DCP2: variants seen among roughly 807,000 people sequenced by gnomAD.
The protein encoded by DCP2 is m7GpppN-mRNA hydrolase.
DCP2 carries 30 observed loss-of-function variants against 56.1 expected under a neutral mutation model. That is an observed-to-expected ratio of 0.53 (90% confidence interval 0.40 to 0.73). DCP2 has a LOEUF of 0.73. Ranked by LOEUF, DCP2 falls within the 30% of genes least tolerant of loss-of-function variation. The pLI is 0.00. For synonymous variants in DCP2, 197 were observed against 163.3 expected (o/e 1.21, Z -1.57); for missense variants, 533 against 502.7 (o/e 1.06, Z -0.58).
intron 2 of DCP2, among the ~76,000 whole-genome samples, chr5:112,989,534 A>T (rs1681912080): frequency 6.6e-6 from 1 of 152,192 alleles, no homozygotes; most frequent in South Asian, 2.1e-4. Flanking sequence ...TTTAGACTAA[A>T]TGGGAAAGAT....
rs1396871780 is a variant in DCP2, at chr5:113,017,730, T to A, written c.*4246T>A. 6.6e-6 allele frequency: 1 copy of A among 152,198 alleles called. No homozygotes were observed. The highest frequency in any genetic ancestry group is 2.4e-5 in the African/African-American group (1 of 41,440). The allele number at this position is 152,198 out of a possible 1,614,324, so 9.4% of individuals were successfully genotyped here. A position where few individuals can be genotyped will look rare whatever the true frequency, so the allele number is the denominator to read the frequency against. On this transcript the variant is annotated 3_prime_UTR_variant, in exon 11 of 11. Transcript: ENST00000389063. ...GGCAAAGAGTGTAAGAAAGAAACTT[T>A]AGAGCATTTATCAATACTTGAGTGC...
chr5:112,981,497 TTA>T (rs1353314507), intron 1 of DCP2, among the ~76,000 whole-genome samples: 2 of 152,170 alleles, frequency 1.3e-5, no homozygotes, highest in African/African-American at 4.8e-5. Flanking sequence ...TCTACGTCTG[TTA>T]TATTTTGTGC....
At chr5:112,986,625 G>T (rs980673271) in intron 2 of DCP2, among the ~76,000 whole-genome samples, 3 of 151,926 alleles carry the variant, frequency 2.0e-5, no homozygotes, top group Admixed American at 2.0e-4. Context: ...GGTGTGAGCC[G>T]CTGTGCCCAG....
At chr5:113,007,137 AAAT>A (rs1185185888) in intron 8 of DCP2, among the ~76,000 whole-genome samples, 1 of 152,140 alleles carries the variant, frequency 6.6e-6, no homozygotes. Context: ...TTTAAAAAAA[AAAT>A]AATAGTAATC....
chr5:112,983,137 A>G (rs185919034), intron 1 of DCP2, among the ~76,000 whole-genome samples: 1 of 152,246 alleles, frequency 6.6e-6, no homozygotes, highest in South Asian at 2.1e-4. Flanking sequence ...TACAGATTGA[A>G]GTTCCTTCAG....
intron 8 of DCP2, among the ~76,000 whole-genome samples, chr5:113,006,264 C>T (rs1313879300): frequency 6.6e-6 from 1 of 151,906 alleles, no homozygotes; most frequent in African/African-American, 2.4e-5. Context: ...TTCATAGAGA[C>T]ACAAAGTAGA....
At chr5:113,000,061 C>CAAAAA (rs60251393) in intron 4 of DCP2, among the ~76,000 whole-genome samples, 19 of 89,902 alleles carry the variant, frequency 2.1e-4, no homozygotes, top group East Asian at 9.5e-4. Context: ...AACTCCATCT[C>CAAAAA]AAAAAAAAAA....
At chr5:112,978,104 G>A (rs183241187) in intron 1 of DCP2, among the ~76,000 whole-genome samples, 3 of 152,134 alleles carry the variant, frequency 2.0e-5, no homozygotes, top group Admixed American at 6.5e-5. Context: ...AGCCTCCCTA[G>A]CAGCTGGGAT....
intron 9 of DCP2, among the ~76,000 whole-genome samples, chr5:113,009,239 T>C (rs1445282556): frequency 1.3e-5 from 2 of 152,348 alleles, no homozygotes; most frequent in South Asian, 2.1e-4. Context: ...TTTGTAGATT[T>C]TTTGGGAGAA....
chr5:113,018,836 A>G lies in DCP2; in HGVS notation c.*5352A>G, dbSNP rs1012165146. ...TTTAAAATTTGTTTCACATCTTTAT[A>G]GCAAACCTGCCACAGACTTGCAAGC... On this transcript the variant is annotated 3_prime_UTR_variant, in exon 11 of 11. Transcript: ENST00000389063. The G allele has an allele frequency of 6.6e-6, 1 of 152,172 alleles. No homozygotes were observed. The highest frequency in any genetic ancestry group is 1.5e-5 in the Non-Finnish European group (1 of 68,042). 9.4% of individuals were successfully genotyped at this position (152,172 alleles called of 1,614,324 possible).
chr5:112,999,097 A>G (rs1425022636), intron 4 of DCP2, among the ~76,000 whole-genome samples: 1 of 152,144 alleles, frequency 6.6e-6, no homozygotes, highest in Non-Finnish European at 1.5e-5. Flanking sequence ...ACTTTCTTTT[A>G]TTAAGCATCT....
rs891935050 is a variant in DCP2, at chr5:113,017,051, G to A, written c.*3567G>A. 6 of 152,106 alleles carry A rather than the reference G, an allele frequency of 3.9e-5. No homozygotes were observed. The highest frequency in any genetic ancestry group is 3.3e-4 in the Admixed American group (5 of 15,272). The allele number at this position is 152,106 out of a possible 1,614,324, so 9.4% of individuals were successfully genotyped here. A position where few individuals can be genotyped will look rare whatever the true frequency, so the allele number is the denominator to read the frequency against. Reference sequence around the variant, plus strand: ...AGACGGGGTTTCTCCATGTTGGTCAGGGTGGTCTCTCTTGGCTTTTTATCT... The same window carrying A: ...AGACGGGGTTTCTCCATGTTGGTCAAGGTGGTCTCTCTTGGCTTTTTATCT... On this transcript the variant is annotated 3_prime_UTR_variant, in exon 11 of 11. Transcript: ENST00000389063.
Position 113,018,449 on chromosome 5 carries a change from G to T in DCP2, c.*4965G>T, listed in dbSNP as rs1356086307. ...CTTGAAGGCACAACGTAAAAGGAAT[G>T]AGCTTTCACAAGGTGCTTACGTTAG... is the stretch of plus-strand genomic sequence containing the variant. On this transcript the variant is annotated 3_prime_UTR_variant, in exon 11 of 11. Coordinates refer to ENST00000389063, the MANE Select transcript of DCP2 (RefSeq NM_152624.6). 6.6e-6 allele frequency: 1 copy of T among 152,244 alleles called. No individual in the cohort carries two copies. Among genetic ancestry groups the T allele is most frequent in the Non-Finnish European group, 1.5e-5 (1 of 68,040 alleles). The allele number at this position is 152,244 out of a possible 1,614,324, so 9.4% of individuals were successfully genotyped here.
intron 2 of DCP2, among the ~76,000 whole-genome samples, chr5:112,986,989 T>C (rs764355837): frequency 6.6e-6 from 1 of 152,052 alleles, no homozygotes; most frequent in Non-Finnish European, 1.5e-5. Context: ...GACGGCAGAG[T>C]GAGATTCCGT....
intron 1 of DCP2, chr5:112,984,703 A>AAATATATATATATATATATATATAT: frequency 7.9e-4 from 51 of 64,816 alleles, no homozygotes; most frequent in Non-Finnish European, 1.1e-3. Context: ...AAAAAAAAAA[A>AAATATATATATATATATATATATAT]ATATATATAT....
intron 2 of DCP2, among the ~76,000 whole-genome samples, chr5:112,986,749 A>G (rs1748308635): frequency 6.6e-6 from 1 of 152,156 alleles, no homozygotes; most frequent in Non-Finnish European, 1.5e-5. Flanking sequence ...CTATAATCCC[A>G]GTACTTTTGA....
rs1253004048 is a variant in DCP2, at chr5:113,017,200, C to T, written c.*3716C>T. 6.6e-6 allele frequency: 1 copy of T among 152,172 alleles called. No individual in the cohort carries two copies. Among genetic ancestry groups the T allele is most frequent in the Non-Finnish European group, 1.5e-5 (1 of 68,034 alleles). 9.4% of individuals were successfully genotyped at this position (152,172 alleles called of 1,614,324 possible). On this transcript the variant is annotated 3_prime_UTR_variant, in exon 11 of 11. Coordinates refer to ENST00000389063, the MANE Select transcript of DCP2 (RefSeq NM_152624.6). Reference sequence around the variant, plus strand: ...TAATCATAGTTATAGTAAAGTCAGACTCATTAACTTTTCTTCCTAGTAATT... The same window carrying T: ...TAATCATAGTTATAGTAAAGTCAGATTCATTAACTTTTCTTCCTAGTAATT...
rs187329539 is a variant in DCP2, at chr5:112,995,424, A to T, written c.432+2654A>T. Among the ~76,000 whole-genome samples the T allele has an allele frequency of 2.8e-4, 43 of 152,328 alleles. No homozygotes were observed. In the East Asian group the frequency reaches 7.9e-3, roughly 28 times the overall value. ...TAGAAATCAGCAGTATCCTGCTTAG[A>T]GGAATTGATTGTAGCTCTGTACATG... On this transcript the variant is annotated intron_variant, in intron 4 of 10. Coordinates refer to ENST00000389063, the MANE Select transcript of DCP2 (RefSeq NM_152624.6).
At chr5:113,002,714 GC>G (rs201700134) in intron 7 of DCP2, among the ~76,000 whole-genome samples, 1,684 of 152,052 alleles carry the variant, frequency 0.011, 14 homozygotes, top group Non-Finnish European at 0.019. Context: ...TAGAGATGGG[GC>G]TCTCCCTATG....
Sources: gnomAD v4.1 joint callset for allele counts (sites outside exome capture counted in the v4.1 genomes callset) on GRCh38, gnomAD v4.1.1 for gene constraint, MANE v1.5 for transcripts, NCBI Gene and HGNC (gene_info 2026-07-23, HGNC 2026-07-21) for gene names.